Variants in DTNA observed in about 807,000 individuals in gnomAD.
DTNA encodes the protein dystrophin-related protein 3.
DTNA carries 43 observed loss-of-function variants against 100.7 expected under a neutral mutation model. The observed-to-expected ratio is 0.43, with a 90% confidence interval of 0.33 to 0.55. The LOEUF is 0.55. DTNA is among the 20% of genes least tolerant of loss of function. The pLI is 0.04. For synonymous variants in DTNA, 349 were observed against 347.9 expected (o/e 1.00, Z -0.04); for missense variants, 798 against 953.9 (o/e 0.84, Z 2.15).
intron 1 of DTNA, among the ~76,000 whole-genome samples, chr18:34,531,858 GT>G (rs1201365173): frequency 2.6e-5 from 4 of 152,064 alleles, no homozygotes; most frequent in African/African-American, 4.8e-5. Flanking sequence ...CCAAACAGAG[GT>G]TTTTGGCTTT....
rs1282391627 is a variant in DTNA at position 34,614,231 on chromosome 18, G to T, written c.-2+120717G>T. On this transcript the variant is annotated intron_variant, in intron 1 of 19. Coordinates refer to the DTNA transcript ENST00000283365. ...TGAGACTTACTGCTAAAAAGAAAAAGATAATGTTCAAAATATTACTTCTCA... is the reference window on the plus strand; with the variant it reads ...TGAGACTTACTGCTAAAAAGAAAAATATAATGTTCAAAATATTACTTCTCA... Among the ~76,000 whole-genome samples, 4 of 152,276 alleles carry T rather than the reference G, an allele frequency of 2.6e-5. No homozygotes were observed. In the East Asian group the frequency reaches 5.8e-4, roughly 22 times the overall value.
chr18:34,632,235 G>C (rs1215418727), intron 1 of DTNA, among the ~76,000 whole-genome samples: 1 of 152,056 alleles, frequency 6.6e-6, no homozygotes, highest in African/African-American at 2.4e-5. Context: ...TGGTGCCACA[G>C]ACATAAATGG....
intron 1 of DTNA, among the ~76,000 whole-genome samples, chr18:34,526,471 G>A (rs145468790): frequency 8.2e-4 from 124 of 151,980 alleles, no homozygotes; most frequent in African/African-American, 2.9e-3. Flanking sequence ...CTCTATCAAG[G>A]GTTTTGGTGA....
intron 4 of DTNA, among the ~76,000 whole-genome samples, chr18:34,794,623 AGTGTTTCTGAG>A (rs1405126019): frequency 6.6e-6 from 1 of 152,176 alleles, no homozygotes; most frequent in Non-Finnish European, 1.5e-5. Flanking sequence ...TGTTTAAGAC[AGTGTTTCTGAG>A]GTGTCCTAAC....
chr18:34,668,555 G>A lies in DTNA; in HGVS notation c.-1-87421G>A, dbSNP rs371731033. 6.9e-4 allele frequency among the ~76,000 whole-genome samples: 104 copies of A among 151,728 alleles called. 2 individuals are homozygous for A. In the East Asian group the frequency reaches 0.018, roughly 27 times the overall value. ...TTAGATCTTTCCTGCTTTCTCTTGT[G>A]GGCATTTAGTGCTATAAATTTCCCT... is the stretch of plus-strand genomic sequence containing the variant. On this transcript the variant is annotated intron_variant, in intron 1 of 19. Coordinates refer to the DTNA transcript ENST00000283365.
chr18:34,598,451 A>G (rs973211965), intron 1 of DTNA, among the ~76,000 whole-genome samples: 3 of 152,170 alleles, frequency 2.0e-5, no homozygotes, highest in African/African-American at 4.8e-5. Flanking sequence ...TACAACCTCA[A>G]TTTCAACCAT....
At chr18:34,765,726 A>G (rs2093433073) in intron 2 of DTNA, among the ~76,000 whole-genome samples, 1 of 152,242 alleles carries the variant, frequency 6.6e-6, no homozygotes, top group Non-Finnish European at 1.5e-5. Context: ...ATCCAAGAAT[A>G]TGGTTTACAA....
intron 1 of DTNA, among the ~76,000 whole-genome samples, chr18:34,695,272 A>G (rs560494714): frequency 1.3e-5 from 2 of 152,296 alleles, no homozygotes; most frequent in Non-Finnish European, 2.9e-5. Flanking sequence ...TGTTGTGTGT[A>G]AAGTTGTAAC....
chr18:34,676,207 A>T (rs1051719857), intron 1 of DTNA, among the ~76,000 whole-genome samples: 1 of 152,198 alleles, frequency 6.6e-6, no homozygotes, highest in African/African-American at 2.4e-5. Flanking sequence ...TATGAAGGTC[A>T]CTACCTTTTT....
rs143566819 is a variant in DTNA at position 34,832,100 on chromosome 18, G to C, written c.1175+2611G>C. Among the ~76,000 whole-genome samples, 174 of 152,140 alleles carry C rather than the reference G, an allele frequency of 1.1e-3. 2 individuals carry two copies. The East Asian group carries it at 0.023, about 20-fold the overall frequency. ...TCAAAAGTAGCTAAAAATAAATTTT[G>C]GATACTGATTGTAGCCTCTCCTTTT... On this transcript the variant is annotated intron_variant, in intron 11 of 22. Transcript: ENST00000444659.
At chr18:34,513,252 A>T (rs2041268202) in intron 1 of DTNA, among the ~76,000 whole-genome samples, 1 of 152,162 alleles carries the variant, frequency 6.6e-6, no homozygotes, top group Non-Finnish European at 1.5e-5. Flanking sequence ...AGAAATCTAT[A>T]ACACAAGCAG....
intron 1 of DTNA, among the ~76,000 whole-genome samples, chr18:34,685,938 T>G (rs900852418): frequency 6.6e-6 from 1 of 152,046 alleles, no homozygotes; most frequent in African/African-American, 2.4e-5. Context: ...GGCTCTCTGT[T>G]TGTCTATTAC....
chr18:34,750,815 G>A (rs879065656), intron 1 of DTNA, among the ~76,000 whole-genome samples: 5 of 152,214 alleles, frequency 3.3e-5, no homozygotes, highest in Admixed American at 2.6e-4. Context: ...ATAGTAATGT[G>A]TATTTATTAT....
At chr18:34,612,101 C>T (rs959282824) in intron 1 of DTNA, among the ~76,000 whole-genome samples, 12 of 152,238 alleles carry the variant, frequency 7.9e-5, no homozygotes, top group African/African-American at 2.7e-4. Flanking sequence ...AGCTCACCGG[C>T]TGGCAAGGAC....
intron 1 of DTNA, among the ~76,000 whole-genome samples, chr18:34,610,474 G>A (rs754276422): frequency 6.6e-6 from 1 of 152,064 alleles, no homozygotes. Context: ...CTGAGCATAC[G>A]GAACATGATT....
chr18:34,699,095 G>A (rs1478761004), intron 1 of DTNA, among the ~76,000 whole-genome samples: 2 of 151,588 alleles, frequency 1.3e-5, no homozygotes, highest in East Asian at 3.9e-4. Flanking sequence ...ATGAATTTTT[G>A]AGGGACACTC....
At chr18:34,600,314 A>G (rs1297308899) in intron 1 of DTNA, among the ~76,000 whole-genome samples, 1 of 152,232 alleles carries the variant, frequency 6.6e-6, no homozygotes, top group African/African-American at 2.4e-5. Context: ...AAAATGATGT[A>G]AAGATGACTC....
chr18:34,720,811 CTG>C (rs1292845649), intron 1 of DTNA, among the ~76,000 whole-genome samples: 2 of 152,144 alleles, frequency 1.3e-5, no homozygotes, highest in Non-Finnish European at 2.9e-5. Flanking sequence ...TTGTTCTCTG[CTG>C]TGTTACTCCC....
chr18:34,882,303 C>A (rs377751031), intron 21 of DTNA, 102 bp downstream of exon 21: 31 of 1,484,988 alleles, frequency 2.1e-5, no homozygotes, highest in Admixed American at 1.4e-4. Context: ...CTTCCTTCCA[C>A]CCTCCCTTTT....
Sources: allele counts gnomAD v4.1 joint callset (sites outside exome capture counted in the v4.1 genomes callset), GRCh38; gene constraint gnomAD v4.1.1; transcripts MANE v1.5; gene names NCBI Gene and HGNC (gene_info 2026-07-23, HGNC 2026-07-21).